The following CLSPN variants were observed in gnomAD, a reference collection of about 807,000 sequenced individuals.
CLSPN encodes claspin homolog.
In CLSPN, 85 loss-of-function variants were observed where a neutral mutation model predicts 156.3. That is an observed-to-expected ratio of 0.54 (90% CI 0.46 to 0.65). The LOEUF (loss-of-function observed/expected upper bound fraction) is 0.65, where lower values mean the gene tolerates loss of function less well. Among genes scored for constraint, CLSPN ranks in the 30% least tolerant of loss-of-function variants. CLSPN has a pLI of 0.00. For synonymous variants in CLSPN, 534 were observed against 542.4 expected, an observed-to-expected ratio of 0.98 and a Z score of 0.22; for missense variants, 1,407 against 1,554.9, an observed-to-expected ratio of 0.90 and a Z score of 1.60.
At chr1:35,729,734 T>C (rs998770779), downstream of CLSPN, among the ~76,000 whole-genome samples, 3 of 152,214 alleles carry the variant, frequency 2.0e-5, no homozygotes, top group Non-Finnish European at 2.9e-5. Context: ...TATGGAGCTT[T>C]GTTGGGGCTT....
At chr1:35,753,478 A>T (rs1467507099) in intron 9 of CLSPN, among the ~76,000 whole-genome samples, 1 of 152,154 alleles carries the variant, frequency 6.6e-6, no homozygotes, top group Non-Finnish European at 1.5e-5. Flanking sequence ...TCTCTGATAG[A>T]AGATTAAGTT....
At chr1:35,754,258 G>A (rs1352402499) in intron 8 of CLSPN, among the ~76,000 whole-genome samples, 1 of 152,048 alleles carries the variant, frequency 6.6e-6, no homozygotes, top group African/African-American at 2.4e-5. Context: ...TAAACTGGTA[G>A]GAAAAAAGAT....
Position 35,736,525 on chromosome 1 carries a change from G to C in CLSPN, c.3991C>G (p.Arg1331Gly), listed in dbSNP as rs373647280. Reference sequence around the variant, plus strand: ...CTCTCCAAATATTTGAAGATGCTTCGCGTCAATCCTGAAGTGCTATCATCT... The same window carrying C: ...CTCTCCAAATATTTGAAGATGCTTCCCGTCAATCCTGAAGTGCTATCATCT... ...KTDDSTSGLTRSIFKYLES is the reference protein window; with the variant it reads ...KTDDSTSGLTGSIFKYLES The change falls in exon 25 of 25, where the codon CGA becomes GGA. Residue 1331 changes from arginine to glycine, a missense_variant. Coordinates refer to ENST00000318121, the MANE Select transcript of CLSPN (RefSeq NM_022111.4). 5 of 1,606,964 alleles carry C rather than the reference G, an allele frequency of 3.1e-6. No individual in the cohort carries two copies. Among genetic ancestry groups the C allele is most frequent in the Non-Finnish European group, 4.2e-6 (5 of 1,177,302 alleles).
Position 35,739,180 on chromosome 1 carries a change from C to T in CLSPN, c.3386G>A (p.Ser1129Asn). 2 of 1,614,172 alleles carry T rather than the reference C, an allele frequency of 1.2e-6. No individual in the cohort carries two copies. The highest frequency in any genetic ancestry group is 2.2e-5 in the East Asian group (1 of 44,886). The change falls in exon 20 of 25, where the codon AGC (serine) becomes AAC (asparagine). Residue 1129 changes from serine to asparagine, a missense_variant. Ser to Asn is a conservative substitution (Grantham distance 46). Transcript: ENST00000318121. Reference protein sequence around the residue: ...ERYLADGDLHSDGPGRMRKFR... With the variant: ...ERYLADGDLHNDGPGRMRKFR... Reference sequence around the variant, plus strand: ...CTTCCTCATTCGCCCAGGACCATCGCTGTGCAGATCCCCATCAGCAAGGTA... The same window carrying T: ...CTTCCTCATTCGCCCAGGACCATCGTTGTGCAGATCCCCATCAGCAAGGTA...
In CLSPN at chr1:35,732,427, G is replaced by A; in HGVS notation, c.*4069C>T. On this transcript the variant is annotated 3_prime_UTR_variant, in exon 25 of 25. Coordinates refer to ENST00000318121, the MANE Select transcript of CLSPN (RefSeq NM_022111.4). ...AGGAGAAGTTTGTAGAGAAGCAGTT[G>A]AGAAAATGAGGGATGCCACAGAGAT... The A allele has an allele frequency of 1.0e-6, 1 of 985,414 alleles. No homozygotes were observed. The highest frequency in any genetic ancestry group is 1.2e-6 in the Non-Finnish European group (1 of 829,920). 61.0% of individuals were successfully genotyped at this position (985,414 alleles called of 1,614,324 possible).
intron 1 of CLSPN, among the ~76,000 whole-genome samples, chr1:35,768,301 G>C (rs748407721): frequency 2.0e-5 from 3 of 151,836 alleles, no homozygotes; most frequent in Non-Finnish European, 2.9e-5. Flanking sequence ...CCAGGAGACA[G>C]AAGTTGCAGT....
In CLSPN at chr1:35,748,520, T is replaced by A. The variant is rs369895310; in HGVS notation, c.2357A>T (p.Tyr786Phe). ...GCCTGTTTGTCTGTTGCAAGGCTGA[T>A]AGGATGGAATCGTGGAGCCAATCAG... ...FELIGSTIPS[Y>F]QPCNRQTGRG... Residue 786 changes from tyrosine (Y) to phenylalanine (F), a missense_variant, in exon 13 of 25, where the codon TAT becomes TTT. Transcript: ENST00000318121. 6.2e-7 allele frequency: 1 copy of A among 1,614,062 alleles called. No individual in the cohort carries two copies. The highest frequency in any genetic ancestry group is 8.5e-7 in the Non-Finnish European group (1 of 1,180,016).
Position 35,745,549 on chromosome 1 carries a change from T to G in CLSPN, c.2868A>C (p.Pro956=). The G allele has an allele frequency of 6.2e-7, 1 of 1,612,002 alleles. No homozygotes were observed. The highest frequency in any genetic ancestry group is 8.5e-7 in the Non-Finnish European group (1 of 1,178,068). Reference sequence around the variant, plus strand: ...CCTGTTTATTTAACTCTGATGAGGCTGGAGTGGAGGCATCTACATCACAAC... The same window carrying G: ...CCTGTTTATTTAACTCTGATGAGGCGGGAGTGGAGGCATCTACATCACAAC... The part of the protein sequence containing the change: ...GKFTSQDAST[P]ASSELNKQEK... The change falls in exon 16 of 25, where the codon CCA becomes CCC. Residue 956 remains proline, a synonymous_variant. Transcript: ENST00000318121.
intron 18 of CLSPN, among the ~76,000 whole-genome samples, chr1:35,740,420 T>C (rs971852739): frequency 6.8e-6 from 1 of 147,250 alleles, no homozygotes; most frequent in Non-Finnish European, 1.5e-5. Flanking sequence ...CTGTATTTTC[T>C]CTTTTTTTTT....
In CLSPN at chr1:35,763,172, T is replaced by C; in HGVS notation, c.732A>G (p.Val244=). Residue 244 remains valine (V), a synonymous_variant, in exon 4 of 25, where the codon GTA becomes GTG. Transcript: ENST00000318121. ...ATGCTTTACTTGCCTTGTGCTTTTT[T>C]ACTTTGTTTTTTACAGCTGCTCTTA... ...ESIRAAVKNK[V]KKHKKKEPSL... is the part of the protein sequence containing the mutation. 2.5e-6 allele frequency: 4 copies of C among 1,574,140 alleles called. No homozygotes were observed. Among genetic ancestry groups the C allele is most frequent in the Non-Finnish European group, 3.4e-6 (4 of 1,164,962 alleles).
rs139160020 is a variant in CLSPN at position 35,764,671 on chromosome 1, C to A, written c.177G>T (p.Arg59Ser). ...EIFVSKKLKN[R>S]KVLQDSDSET... Reference sequence around the variant, plus strand: ...CGGAATCACTGTCTTGTAGAACCTTCCTGTTTTTCAACTTCTTACTTACAA... The same window carrying A: ...CGGAATCACTGTCTTGTAGAACCTTACTGTTTTTCAACTTCTTACTTACAA... Residue 59 changes from arginine to serine, a missense_variant, in exon 3 of 25, where the codon AGG becomes AGT. Transcript: ENST00000318121. The A allele has an allele frequency of 6.3e-7, 1 of 1,587,426 alleles. No individual in the cohort carries two copies. Among genetic ancestry groups the A allele is most frequent in the Non-Finnish European group, 8.5e-7 (1 of 1,172,654 alleles).
At chr1:35,760,302 T>C (rs1472612499) in intron 8 of CLSPN, 40 bp downstream of exon 8, 1 of 1,490,074 alleles carries the variant, frequency 6.7e-7, no homozygotes. Flanking sequence ...GCTACCAGGA[T>C]AATCACTCCA....
chr1:35,751,569 A>G, intron 9 of CLSPN, 63 bp from the exon 10 acceptor site: 2 of 1,535,604 alleles, frequency 1.3e-6, no homozygotes, highest in Non-Finnish European at 1.7e-6. Flanking sequence ...CATTTTAGGC[A>G]ACTCCAGAAA....
At chr1:35,731,233 G>A (rs1400217690), downstream of CLSPN, among the ~76,000 whole-genome samples, 1 of 151,748 alleles carries the variant, frequency 6.6e-6, no homozygotes, top group East Asian at 1.9e-4. Flanking sequence ...AAAAAAGAAA[G>A]GGGTGTTAAT....
intron 10 of CLSPN, among the ~76,000 whole-genome samples, chr1:35,750,733 A>C (rs1382432654): frequency 6.6e-6 from 1 of 152,010 alleles, no homozygotes. Context: ...TCGTATCATC[A>C]CCTGTTTTCC....
intron 1 of CLSPN, among the ~76,000 whole-genome samples, chr1:35,766,936 G>A (rs192195164): frequency 3.3e-5 from 5 of 151,268 alleles, no homozygotes; most frequent in Admixed American, 2.6e-4. Flanking sequence ...TTGTAGAAAC[G>A]GGGTTTCACA....
At chr1:35,745,346 C>T in intron 16 of CLSPN, 105 bp downstream of exon 16, 1 of 760,340 alleles carries the variant, frequency 1.3e-6, no homozygotes, top group Non-Finnish European at 2.2e-6. Context: ...GACTCAAATC[C>T]ACTGCAAGAT....
Position 35,762,101 on chromosome 1 carries a change from A to G in CLSPN, c.823-31T>C, listed in dbSNP as rs145287309. 44 of 1,418,276 alleles carry G rather than the reference A, an allele frequency of 3.1e-5. No individual in the cohort carries two copies. In the Middle Eastern group the frequency reaches 1.6e-3, roughly 51 times the overall value. 87.9% of individuals were successfully genotyped at this position (1,418,276 alleles called of 1,614,324 possible). ...AGAAAACAAGAAGTGAGACTACATT[A>G]ATTATATGAATATCCAGAAAGATAG... On this transcript the variant is annotated intron_variant, in intron 5 of 24. Coordinates refer to ENST00000318121, the MANE Select transcript of CLSPN (RefSeq NM_022111.4).
rs748636018 is a variant in CLSPN at position 35,763,265 on chromosome 1, G to T, written c.639C>A (p.Asp213Glu). The part of the protein sequence containing the change: ...NDSGCLLVDK[D>E]LFETGLEDEN... ...CATCCTCCAACCCAGTTTCAAAAAG[G>T]TCTTTATCCACAAGAAGACAGCCAC... Residue 213 changes from aspartate (D) to glutamate (E), a missense_variant, in exon 4 of 25, where the codon GAC becomes GAA. Asp to Glu is a conservative substitution (Grantham distance 45, BLOSUM62 2). Coordinates refer to ENST00000318121, the MANE Select transcript of CLSPN (RefSeq NM_022111.4). 2.5e-6 allele frequency: 4 copies of T among 1,607,386 alleles called. No homozygotes were observed. The highest frequency in any genetic ancestry group is 3.4e-6 in the Non-Finnish European group (4 of 1,178,012).
Sources: gnomAD v4.1 joint callset for allele counts (sites outside exome capture counted in the v4.1 genomes callset) on GRCh38, gnomAD v4.1.1 for gene constraint, MANE v1.5 for transcripts, NCBI Gene and HGNC (gene_info 2026-07-23, HGNC 2026-07-21) for gene names.